ZNF415: variants seen among roughly 807,000 people sequenced by gnomAD.
ZNF415 encodes the protein zinc finger protein 415.
ZNF415 carries 5 observed loss-of-function variants against 7.3 expected under a neutral mutation model. The observed-to-expected ratio is 0.69, with a 90% confidence interval of 0.36 to 1.44. The LOEUF (loss-of-function observed/expected upper bound fraction) is 1.44, where lower values mean the gene tolerates loss of function less well. ZNF415 is among the 40% of genes most tolerant of loss of function. The probability of loss-of-function intolerance (pLI) is 0.04; values close to 1 mark genes in which losing one functional copy is unlikely to be tolerated. For synonymous variants in ZNF415, 207 were observed against 226.3 expected (o/e 0.91, Z 0.77); for missense variants, 628 against 664.8 (o/e 0.94, Z 0.61).
Position 53,109,025 on chromosome 19 carries a change from C to A in ZNF415, c.1020G>T (p.Arg340Ser), listed in dbSNP as rs1405068900. ...CKECGKAFSV[R>S]STLTNHQVIH... ...TTACCTGATGGTTGGTAAGTGTTGA[C>A]CTCACACTAAAGGCTTTGCCACACT... Residue 340 changes from arginine (R) to serine (S), a missense_variant, in exon 4 of 4, where the codon AGG becomes AGT. Arg to Ser is a moderately radical substitution (Grantham distance 110, BLOSUM62 -1). Coordinates refer to ENST00000243643, the MANE Select transcript of ZNF415 (RefSeq NM_018355.4). 1.9e-6 allele frequency: 3 copies of A among 1,613,522 alleles called. No individual in the cohort carries two copies. Among genetic ancestry groups the A allele is most frequent in the South Asian group, 1.1e-5 (1 of 91,056 alleles).
At chr19:53,132,766 G>A (rs538824225) in intron 1 of ZNF415, 90 bp downstream of exon 1, 1 of 152,544 alleles carries the variant, frequency 6.6e-6, no homozygotes, top group Non-Finnish European at 1.5e-5. Flanking sequence ...GGAGTGTACG[G>A]GGATTTTAAG....
intron 2 of ZNF415, among the ~76,000 whole-genome samples, chr19:53,120,961 G>A (rs761061437): frequency 2.0e-5 from 3 of 150,410 alleles, no homozygotes; most frequent in Non-Finnish European, 2.9e-5. Flanking sequence ...GCGCGTGCCT[G>A]TAATCCCAGC....
At chr19:53,117,072 T>C (rs746462626) in intron 2 of ZNF415, among the ~76,000 whole-genome samples, 4 of 152,306 alleles carry the variant, frequency 2.6e-5, no homozygotes, top group Non-Finnish European at 5.9e-5. Flanking sequence ...AGGAATTTCA[T>C]AGATTCTCAA....
chr19:53,131,179 T>C (rs973643530), intron 1 of ZNF415, among the ~76,000 whole-genome samples: 4 of 149,502 alleles, frequency 2.7e-5, no homozygotes, highest in Non-Finnish European at 5.9e-5. Context: ...AGCCAAAAGA[T>C]TGGACACCCC....
chr19:53,119,281 C>CA (rs1197288440), intron 2 of ZNF415, among the ~76,000 whole-genome samples: 7 of 147,580 alleles, frequency 4.7e-5, no homozygotes, highest in East Asian at 2.0e-4. Context: ...GACTTCGTCT[C>CA]AAAAAAAAAG....
rs2085969087 is a variant in ZNF415 at position 53,109,809 on chromosome 19, T to C, written c.236A>G (p.His79Arg). Residue 79 changes from histidine to arginine, a missense_variant, in exon 4 of 4, where the codon CAT becomes CGT. By Grantham distance (29) the His-to-Arg change is conservative. Coordinates refer to ENST00000243643, the MANE Select transcript of ZNF415 (RefSeq NM_018355.4). ...CCTGAAGCAAAACTCTTCAATGTCA[T>C]GTTTTTCATGTTGTTCCAATGTCAC... is the stretch of plus-strand genomic sequence containing the variant. ...HTVTLEQHEK[H>R]DIEEFCFREI... 6.2e-7 allele frequency: 1 copy of C among 1,614,062 alleles called. No individual in the cohort carries two copies. Among genetic ancestry groups the C allele is most frequent in the South Asian group, 1.1e-5 (1 of 91,052 alleles).
chr19:53,122,535 G>A, intron 2 of ZNF415, 127 bp downstream of exon 2: 1 of 1,599,296 alleles, frequency 6.3e-7, no homozygotes, highest in South Asian at 1.1e-5. Flanking sequence ...GGAAGGCACG[G>A]GTCAATGTGA....
At chr19:53,125,241 A>C (rs1440864690) in intron 1 of ZNF415, among the ~76,000 whole-genome samples, 2 of 151,560 alleles carry the variant, frequency 1.3e-5, no homozygotes, top group Non-Finnish European at 2.9e-5. Context: ...ACGGGGTTTC[A>C]CCATGTTGGC....
At chr19:53,114,534 T>A (rs576543361) in intron 3 of ZNF415, among the ~76,000 whole-genome samples, 13 of 152,100 alleles carry the variant, frequency 8.5e-5, no homozygotes, top group African/African-American at 2.4e-4. Context: ...AGAGCCAAGG[T>A]TTTTCCACAT....
chr19:53,122,916 T>C lies in ZNF415; in HGVS notation c.-67-173A>G, dbSNP rs570731876. On this transcript the variant is annotated intron_variant, in intron 1 of 3. Transcript: ENST00000243643. ...AAACTCCTACAGGAAAACCAATACA[T>C]GAGTCTTCTGACCCCTTTCTTCAGA... Among the ~76,000 whole-genome samples, 7 of 152,200 alleles carry C rather than the reference T, an allele frequency of 4.6e-5. No individual in the cohort carries two copies. In the East Asian group the frequency reaches 1.4e-3, roughly 29 times the overall value.
At chr19:53,132,789 C>G (rs1287480567) in intron 1 of ZNF415, 67 bp downstream of exon 1, 3 of 152,538 alleles carry the variant, frequency 2.0e-5, no homozygotes, top group Non-Finnish European at 2.9e-5. Flanking sequence ...CCGTATCGAC[C>G]CTGGACATCG....
rs1601241946 is a variant in ZNF415, at chr19:53,123,687, GT to G, written c.-67-945del. ...GGGCAGATCAGGCAGGGCAGATGCTGTCAAACATTTTTCTCCCACACCTCAA... is the reference window on the plus strand; with the variant it reads ...GGGCAGATCAGGCAGGGCAGATGCTGCAAACATTTTTCTCCCACACCTCAA... On this transcript the variant is annotated intron_variant, in intron 1 of 3. Transcript: ENST00000243643. 3 of 398,338 alleles carry G rather than the reference GT, an allele frequency of 7.5e-6. No individual in the cohort carries two copies. In the East Asian group the frequency reaches 1.1e-4, roughly 14 times the overall value. 24.7% of individuals were successfully genotyped at this position (398,338 alleles called of 1,614,324 possible). A position where few individuals can be genotyped will look rare whatever the true frequency, so the allele number is the denominator to read the frequency against.
At chr19:53,116,152 G>A (rs2086980172) in intron 3 of ZNF415, 161 bp downstream of exon 3, 2 of 834,296 alleles carry the variant, frequency 2.4e-6, no homozygotes, top group Non-Finnish European at 3.8e-6. Context: ...TGGAAAAAGG[G>A]GATGGTTAAA....
intron 1 of ZNF415, among the ~76,000 whole-genome samples, chr19:53,131,564 G>A (rs1297599575): frequency 4.0e-5 from 6 of 151,734 alleles, no homozygotes; most frequent in Non-Finnish European, 5.9e-5. Context: ...CCCTCGTTCC[G>A]TACATCGCTC....
At chr19:53,132,443 G>A (rs1197968267) in intron 1 of ZNF415, among the ~76,000 whole-genome samples, 1 of 152,130 alleles carries the variant, frequency 6.6e-6, no homozygotes, top group Non-Finnish European at 1.5e-5. Flanking sequence ...GCGCGACAGC[G>A]CCTTCAGACA....
At position 53,109,382 on chromosome 19, in the gene ZNF415, G is replaced by A. The variant is rs375385270; in HGVS notation, c.663C>T (p.Cys221=). ...IREKPYRYIE[C]DKALNHGSHM... ...GTGAGCCATGATTCAAGGCTTTGTCGCACTCAATATATCTGTAAGGTTTTT... is the reference window on the plus strand; with the variant it reads ...GTGAGCCATGATTCAAGGCTTTGTCACACTCAATATATCTGTAAGGTTTTT... The change falls in exon 4 of 4, where the codon TGC becomes TGT. Residue 221 remains cysteine (C), a synonymous_variant. Coordinates refer to ENST00000243643, the MANE Select transcript of ZNF415 (RefSeq NM_018355.4). 42 of 1,613,892 alleles carry A rather than the reference G, an allele frequency of 2.6e-5. 1 individual carries two copies. The highest frequency in any genetic ancestry group is 1.2e-4 in the African/African-American group (9 of 74,888).
At chr19:53,127,615 C>A (rs1298809342) in intron 1 of ZNF415, among the ~76,000 whole-genome samples, 1 of 152,094 alleles carries the variant, frequency 6.6e-6, no homozygotes, top group Non-Finnish European at 1.5e-5. Flanking sequence ...GTGGTGGCTC[C>A]CACCTGTAAT....
At chr19:53,126,255 C>G (rs2089075845) in intron 1 of ZNF415, among the ~76,000 whole-genome samples, 1 of 151,478 alleles carries the variant, frequency 6.6e-6, no homozygotes, top group East Asian at 2.0e-4. Flanking sequence ...GCTTACCAAC[C>G]TGTGGAAGGG....
intron 3 of ZNF415, among the ~76,000 whole-genome samples, chr19:53,113,226 T>TACAGCAGTGTAAAGCAAAAAAA (rs1601055799): frequency 1.9e-5 from 2 of 106,914 alleles, no homozygotes; most frequent in African/African-American, 3.5e-5. Context: ...ACCGAGGCAT[T>TACAGCAGTGTAAAGCAAAAAAA]GGCCGGGCGC....
Sources: gnomAD v4.1 joint callset for allele counts (sites outside exome capture counted in the v4.1 genomes callset) on GRCh38, gnomAD v4.1.1 for gene constraint, MANE v1.5 for transcripts, NCBI Gene and HGNC (gene_info 2026-07-23, HGNC 2026-07-21) for gene names.